The following SLC9A6 variants were observed in gnomAD, a reference collection of about 807,000 sequenced individuals.
SLC9A6 encodes sodium/hydrogen exchanger 6.
Under a neutral mutation model 45.3 loss-of-function variants are expected in SLC9A6, and 6 were observed. The observed-to-expected ratio is 0.13, with a 90% CI of 0.07 to 0.26. The LOEUF is 0.26. Among genes scored for constraint, SLC9A6 ranks in the 10% least tolerant of loss-of-function variants. The pLI, the probability that SLC9A6 is intolerant of heterozygous loss-of-function variation, is 1.00. For missense variants in SLC9A6, 278 were observed against 503.7 expected (o/e 0.55, Z 4.29); for synonymous variants, 191 against 187.7 (o/e 1.02, Z -0.14).
intron 7 of SLC9A6, 180 bp from the exon 8 acceptor site, chrX:136,010,262 T>G (rs2070895510): frequency 4.2e-5 from 11 of 260,304 alleles, no homozygotes; most frequent in Middle Eastern, 1.3e-3. Flanking sequence ...GAAAGCCAAG[T>G]TTTCTTGCTA....
In SLC9A6 at chrX:136,007,853, G is replaced by T. The variant is rs960362971; in HGVS notation, c.744-2589G>T. On this transcript the variant is annotated intron_variant, in intron 7 of 17. Coordinates refer to ENST00000630721, the MANE Select transcript of SLC9A6 (RefSeq NM_001379110.1). ...CTAGCATGGCAGTGAGCATATTTAT[G>T]TGTAAATCTTTGTGAATCCTTGTAA... Among the ~76,000 whole-genome samples, 4 of 111,136 alleles carry T rather than the reference G, an allele frequency of 3.6e-5. No homozygotes were observed. In the South Asian group the frequency reaches 1.1e-3, roughly 31 times the overall value.
chrX:135,984,598 G>C (rs1556614523), upstream of SLC9A6, among the ~76,000 whole-genome samples: 1 of 111,706 alleles, frequency 9.0e-6, no homozygotes, highest in East Asian at 2.8e-4. Flanking sequence ...GAGAGAGGTT[G>C]GACAGGCTGA....
intron 2 of SLC9A6, among the ~76,000 whole-genome samples, 189 bp downstream of exon 2, chrX:135,986,016 C>A (rs1012131890): frequency 9.2e-6 from 1 of 109,130 alleles, no homozygotes; most frequent in African/African-American, 3.3e-5. Context: ...GCCTCGCGCC[C>A]CATTTTATCT....
chrX:136,004,236 G>A (rs55882076), intron 7 of SLC9A6, among the ~76,000 whole-genome samples: 3,684 of 108,549 alleles, frequency 0.034, 70 homozygotes, highest in Non-Finnish European at 0.051. Context: ...CTACGGGCAT[G>A]TGCCACCATG....
At chrX:135,999,532 C>T (rs1470037621) in intron 6 of SLC9A6, among the ~76,000 whole-genome samples, 1 of 112,005 alleles carries the variant, frequency 8.9e-6, no homozygotes, top group Non-Finnish European at 1.9e-5. Flanking sequence ...TATGATTATA[C>T]AGTTGTTTGT....
intron 2 of SLC9A6, among the ~76,000 whole-genome samples, chrX:135,990,796 TA>T (rs199753534): frequency 9.2e-6 from 1 of 109,192 alleles, no homozygotes; most frequent in African/African-American, 3.3e-5. Context: ...ATAAATAAAA[TA>T]AAAAAAAAGA....
chrX:135,988,288 G>T (rs2089368584), intron 2 of SLC9A6, among the ~76,000 whole-genome samples: 1 of 111,792 alleles, frequency 8.9e-6, no homozygotes, highest in African/African-American at 3.3e-5. Context: ...ATCTGGAGTT[G>T]ACTTGGCGTT....
intron 9 of SLC9A6, 96 bp from the exon 10 acceptor site, chrX:136,013,253 C>T: frequency 1.2e-6 from 1 of 805,827 alleles, no homozygotes; most frequent in African/African-American, 2.0e-5. Context: ...ATGAGAATTT[C>T]CAGACAAAGC....
intron 1 of SLC9A6, chrX:135,975,212 T>G (rs1447304831): frequency 8.9e-6 from 1 of 112,864 alleles, no homozygotes; most frequent in Non-Finnish European, 1.9e-5. Flanking sequence ...TAAAATGGAA[T>G]TCATCCTTTT....
rs782673588 is a variant in SLC9A6 at position 136,045,057 on chromosome X, G to A, written c.*333G>A. ...TAAACTTACCTGACACTTAACCAGA[G>A]TACCAGTTCTCGTGATGTGAATTAA... On this transcript the variant is annotated 3_prime_UTR_variant, in exon 18 of 18. Coordinates refer to ENST00000630721, the MANE Select transcript of SLC9A6 (RefSeq NM_001379110.1). 45 of 207,731 alleles carry A rather than the reference G, an allele frequency of 2.2e-4. No homozygotes were observed. The highest frequency in any genetic ancestry group is 1.2e-3 in the African/African-American group (42 of 34,436). 17.1% of individuals were successfully genotyped at this position (207,731 alleles called of 1,213,427 possible).
intron 6 of SLC9A6, among the ~76,000 whole-genome samples, chrX:136,000,986 TA>T (rs202151614): frequency 0.032 from 3,459 of 109,434 alleles, 148 homozygotes; most frequent in African/African-American, 0.11. Flanking sequence ...CCCTGTCTCT[TA>T]AAAAAAATTA....
intron 17 of SLC9A6, among the ~76,000 whole-genome samples, chrX:136,044,243 TG>T (rs1389524908): frequency 2.2e-4 from 24 of 110,875 alleles, no homozygotes; most frequent in Admixed American, 2.0e-3. Context: ...ATGGGGCCTT[TG>T]GTGTGGGAGG....
chrX:136,039,983 G>A (rs1215577059), intron 16 of SLC9A6, 93 bp from the exon 17 acceptor site: 3 of 685,283 alleles, frequency 4.4e-6, no homozygotes, highest in Non-Finnish European at 7.0e-6. Context: ...GTCCTCCGAA[G>A]TGGTTACTAT....
intron 2 of SLC9A6, 107 bp from the exon 3 acceptor site, chrX:135,994,679 C>A: frequency 1.4e-6 from 1 of 712,502 alleles, no homozygotes; most frequent in Non-Finnish European, 2.3e-6. Flanking sequence ...CAGTTCTGAG[C>A]TACAGGGAAC....
chrX:135,990,072 G>A (rs1036120777), intron 2 of SLC9A6, among the ~76,000 whole-genome samples: 3 of 111,318 alleles, frequency 2.7e-5, no homozygotes, highest in East Asian at 2.8e-4. Context: ...TGCAAGCTCC[G>A]CCTCCTGGGT....
intron 8 of SLC9A6, among the ~76,000 whole-genome samples, chrX:136,011,338 C>A (rs1393880487): frequency 8.9e-6 from 1 of 112,006 alleles, no homozygotes; most frequent in African/African-American, 3.2e-5. Context: ...CTCCCGAGTT[C>A]AAGCGATTCC....
At chrX:136,004,000 A>T (rs1234128492) in intron 7 of SLC9A6, among the ~76,000 whole-genome samples, 20 of 109,588 alleles carry the variant, frequency 1.8e-4, no homozygotes, top group African/African-American at 6.6e-4. Flanking sequence ...TATAGAAAGT[A>T]CTATACATGT....
chrX:135,996,023 C>CTTT (rs1167208674), intron 3 of SLC9A6, among the ~76,000 whole-genome samples: 4 of 55,352 alleles, frequency 7.2e-5, no homozygotes, highest in Admixed American at 2.1e-4. Context: ...CAGGACTTGA[C>CTTT]TTTTTTTTTT....
intron 14 of SLC9A6, chrX:136,029,742 G>A: frequency 1.1e-5 from 2 of 189,291 alleles, no homozygotes; most frequent in Admixed American, 1.4e-4. Flanking sequence ...ATGTTGCCAT[G>A]AGAGCTGCGA....
Sources: gnomAD v4.1 joint callset for allele counts (sites outside exome capture counted in the v4.1 genomes callset) on GRCh38, gnomAD v4.1.1 for gene constraint, MANE v1.5 for transcripts, NCBI Gene and HGNC (gene_info 2026-07-23, HGNC 2026-07-21) for gene names.